The following PPFIBP2 variants were observed in gnomAD, a reference collection of about 807,000 sequenced individuals.
The protein encoded by PPFIBP2 is liprin-beta-2.
A neutral mutation model predicts 118.3 loss-of-function variants in PPFIBP2; 118 were observed. The ratio of observed to expected loss-of-function variants is 1.00; its 90% CI spans 0.86 to 1.16. The LOEUF (loss-of-function observed/expected upper bound fraction) is 1.16, where lower values mean the gene tolerates loss of function less well. PPFIBP2 is among the 50% of genes most tolerant of loss of function. The probability of loss-of-function intolerance (pLI) is 0.00; values close to 1 mark genes in which losing one functional copy is unlikely to be tolerated. For synonymous variants in PPFIBP2, 414 were observed against 397.4 expected (o/e 1.04, Z -0.50); for missense variants, 1,195 against 1,073.1 (o/e 1.11, Z -1.59).
chr11:7,582,116 G>GCA (rs372204746), intron 3 of PPFIBP2, among the ~76,000 whole-genome samples: 16,627 of 152,204 alleles, frequency 0.11, 954 homozygotes, highest in South Asian at 0.15. Context: ...GGGATTACAG[G>GCA]CGTGAGCCAC....
chr11:7,648,317 T>C (rs1317503318), intron 17 of PPFIBP2, 70 bp from the exon 18 acceptor site: 1 of 1,481,296 alleles, frequency 6.8e-7, no homozygotes, highest in African/African-American at 1.4e-5. Flanking sequence ...CTTTTGTTTG[T>C]GAGACATGAT....
intron 4 of PPFIBP2, among the ~76,000 whole-genome samples, chr11:7,596,771 AT>A (rs1186050346): frequency 6.6e-6 from 1 of 152,214 alleles, no homozygotes; most frequent in Non-Finnish European, 1.5e-5. Context: ...GCTTTGAACC[AT>A]CTCTTAATAA....
intron 3 of PPFIBP2, among the ~76,000 whole-genome samples, chr11:7,587,350 C>CA (rs1858398468): frequency 1.3e-5 from 2 of 152,186 alleles, no homozygotes; most frequent in African/African-American, 4.8e-5. Flanking sequence ...TTAAGCAAAT[C>CA]AAGCAATAGT....
chr11:7,582,532 A>G (rs1260892724), intron 3 of PPFIBP2, among the ~76,000 whole-genome samples: 1 of 152,118 alleles, frequency 6.6e-6, no homozygotes, highest in African/African-American at 2.4e-5. Context: ...TTGCTGAACA[A>G]CTTGTGGGCA....
At chr11:7,621,136 C>T in intron 7 of PPFIBP2, 109 bp downstream of exon 7, 1 of 811,020 alleles carries the variant, frequency 1.2e-6, no homozygotes, top group East Asian at 2.6e-5. Flanking sequence ...TGCAAATCAA[C>T]CCTCCAGTGT....
At chr11:7,538,557 A>G (rs551853765) in intron 1 of PPFIBP2, among the ~76,000 whole-genome samples, 1 of 152,330 alleles carries the variant, frequency 6.6e-6, no homozygotes, top group Admixed American at 6.5e-5. Flanking sequence ...TGGCTCTGCC[A>G]AAGGAGGCTG....
intron 5 of PPFIBP2, 155 bp downstream of exon 5, chr11:7,597,828 G>A: frequency 1.6e-6 from 1 of 622,442 alleles, no homozygotes; most frequent in Non-Finnish European, 2.8e-6. Flanking sequence ...TACAGCAGGT[G>A]AAACCAACCT....
intron 3 of PPFIBP2, among the ~76,000 whole-genome samples, chr11:7,570,565 G>A (rs369253142): frequency 4.6e-5 from 7 of 152,196 alleles, no homozygotes; most frequent in East Asian, 1.9e-4. Context: ...CCAGGGTGAG[G>A]GGTGGTGCTT....
At chr11:7,652,268 C>G (rs1242195273) in intron 23 of PPFIBP2, among the ~76,000 whole-genome samples, 1 of 152,206 alleles carries the variant, frequency 6.6e-6, no homozygotes, top group African/African-American at 2.4e-5. Context: ...GAAGCTGGTT[C>G]CATTTGTCTT....
In PPFIBP2 at chr11:7,642,179, G is replaced by A. The variant is rs573141867; in HGVS notation, c.1518-119G>A. ...TCCTTGATCTCTGGGAAGGTACGGA[G>A]AAGCAGTGCTGCCGAGAGTCCCTGT... On this transcript the variant is annotated intron_variant, in intron 16 of 23. Coordinates refer to ENST00000299492, the MANE Select transcript of PPFIBP2 (RefSeq NM_003621.5). The A allele has an allele frequency of 1.3e-4, 154 of 1,203,824 alleles. No homozygotes were observed. The African/African-American group carries it at 2.1e-3, about 17-fold the overall frequency. The allele number at this position is 1,203,824 out of a possible 1,614,324, so 74.6% of individuals were successfully genotyped here. A position where few individuals can be genotyped will look rare whatever the true frequency, so the allele number is the denominator to read the frequency against.
At chr11:7,529,160 G>C (rs772827023) in intron 1 of PPFIBP2, among the ~76,000 whole-genome samples, 3 of 152,126 alleles carry the variant, frequency 2.0e-5, no homozygotes, top group Non-Finnish European at 4.4e-5. Flanking sequence ...GAGACAATGT[G>C]GGAGGAAGCT....
chr11:7,665,277 G>C, the PPFIBP2 span: 2 of 1,102,780 alleles, frequency 1.8e-6, no homozygotes, highest in Non-Finnish European at 2.6e-6. Flanking sequence ...TACATGGCAA[G>C]GCACTTTTGA....
chr11:7,633,658 T>C (rs997802627), intron 12 of PPFIBP2, among the ~76,000 whole-genome samples: 3 of 152,122 alleles, frequency 2.0e-5, no homozygotes, highest in Non-Finnish European at 2.9e-5. Context: ...GAGTCCACTT[T>C]CCAGAAAGCA....
chr11:7,666,393 T>G, the PPFIBP2 span: 2 of 1,115,258 alleles, frequency 1.8e-6, no homozygotes, highest in South Asian at 2.5e-5. Flanking sequence ...AGACCAGTCC[T>G]CAAAGTGGTC....
intron 1 of PPFIBP2, among the ~76,000 whole-genome samples, chr11:7,543,968 G>A (rs941315523): frequency 4.6e-5 from 7 of 152,144 alleles, no homozygotes; most frequent in Non-Finnish European, 8.8e-5. Context: ...CTAAAACATG[G>A]CTTTTCCTCA....
chr11:7,525,202 T>C (rs1337492205), intron 1 of PPFIBP2, among the ~76,000 whole-genome samples: 2 of 152,176 alleles, frequency 1.3e-5, no homozygotes, highest in Non-Finnish European at 2.9e-5. Flanking sequence ...AGGGTTTGAA[T>C]CAGACAGTCC....
intron 16 of PPFIBP2, 185 bp from the exon 17 acceptor site, chr11:7,642,113 T>G: frequency 1.6e-6 from 1 of 640,718 alleles, no homozygotes; most frequent in Non-Finnish European, 2.5e-6. Context: ...AGGATCCGAA[T>G]TGAGGCTTGA....
intron 7 of PPFIBP2, among the ~76,000 whole-genome samples, chr11:7,625,369 G>A (rs376636018): frequency 1.5e-4 from 23 of 152,162 alleles, no homozygotes; most frequent in Non-Finnish European, 7.3e-5. Flanking sequence ...TTATAGTGGT[G>A]TCTCTAAATG....
intron 17 of PPFIBP2, among the ~76,000 whole-genome samples, chr11:7,644,450 C>T (rs1160864216): frequency 6.6e-6 from 1 of 152,222 alleles, no homozygotes; most frequent in Non-Finnish European, 1.5e-5. Flanking sequence ...TCTAGAGCCA[C>T]ATGGCTGGAT....
Sources: gnomAD v4.1 joint callset for allele counts (sites outside exome capture counted in the v4.1 genomes callset) on GRCh38, gnomAD v4.1.1 for gene constraint, MANE v1.5 for transcripts, NCBI Gene and HGNC (gene_info 2026-07-23, HGNC 2026-07-21) for gene names.